Variants in SULF2 observed in about 807,000 individuals in gnomAD.
SULF2 encodes the protein extracellular sulfatase Sulf-2.
A neutral mutation model predicts 107.7 loss-of-function variants in SULF2; 52 were observed. The ratio of observed to expected loss-of-function variants is 0.48; its 90% CI spans 0.39 to 0.61. The LOEUF is 0.61. Ranked by LOEUF, SULF2 falls within the 20% of genes least tolerant of loss-of-function variation. The pLI, the probability that SULF2 is intolerant of heterozygous loss-of-function variation, is 0.00. For missense variants in SULF2, 993 were observed against 1,177.3 expected (o/e 0.84, Z 2.29); for synonymous variants, 460 against 464.3 (o/e 0.99, Z 0.12).
intron 2 of SULF2, among the ~76,000 whole-genome samples, chr20:47,751,204 A>C (rs2090150843): frequency 6.6e-6 from 1 of 152,224 alleles, no homozygotes; most frequent in South Asian, 2.1e-4. Context: ...TGCTTCAGAG[A>C]GCGCCATGTG....
chr20:47,776,047 G>T (rs981334661), intron 1 of SULF2, among the ~76,000 whole-genome samples: 1 of 152,142 alleles, frequency 6.6e-6, no homozygotes, highest in African/African-American at 2.4e-5. Context: ...TTCCTCTCCA[G>T]CTCTCATCTG....
At chr20:47,738,730 C>T (rs1754289963) in intron 2 of SULF2, among the ~76,000 whole-genome samples, 1 of 152,222 alleles carries the variant, frequency 6.6e-6, no homozygotes, top group African/African-American at 2.4e-5. Context: ...TCACCTTCTG[C>T]CATGATCCTG....
chr20:47,713,515 C>T (rs761748536), intron 3 of SULF2, among the ~76,000 whole-genome samples: 3 of 152,040 alleles, frequency 2.0e-5, no homozygotes, highest in Non-Finnish European at 2.9e-5. Flanking sequence ...CTTGGGCAAG[C>T]GAGTGCTCCT....
At position 47,666,430 on chromosome 20, in the gene SULF2, G is replaced by A. The variant is rs115495231; in HGVS notation, c.1635C>T (p.Asp545=). 1,601 of 1,613,822 alleles carry A rather than the reference G, an allele frequency of 9.9e-4. 13 individuals are homozygous for A. In the African/African-American group the frequency reaches 0.014, roughly 15 times the overall value. The part of the protein sequence containing the change: ...RSIRSVAIEV[D]GRVYHVGLGD... ...CCAGGCCTACGTGGTACACCCTGCC[G>A]TCCACCTCGATGGCCACTGAGCGGA... is the stretch of plus-strand genomic sequence containing the variant. Residue 545 remains aspartate, a synonymous_variant, in exon 12 of 21, where the codon GAC becomes GAT. Transcript: ENST00000688720. This position sits in a 1 kb window ranked among gnomAD's most constrained non-coding sequence, Gnocchi z 5.4.
chr20:47,723,731 G>GC (rs927531258), intron 3 of SULF2, among the ~76,000 whole-genome samples: 2 of 152,142 alleles, frequency 1.3e-5, no homozygotes, highest in African/African-American at 4.8e-5. Flanking sequence ...GTCTCCCATT[G>GC]CCCCCGGGTG....
At chr20:47,738,102 G>A (rs543530821) in intron 2 of SULF2, among the ~76,000 whole-genome samples, 26 of 152,284 alleles carry the variant, frequency 1.7e-4, no homozygotes, top group Non-Finnish European at 3.2e-4. Flanking sequence ...AGGAAGAAAG[G>A]CAAGAAGGAA....
intron 2 of SULF2, among the ~76,000 whole-genome samples, chr20:47,746,752 G>A (rs891603501): frequency 1.3e-5 from 2 of 151,406 alleles, no homozygotes; most frequent in Non-Finnish European, 2.9e-5. Flanking sequence ...ACCAAACACT[G>A]CACGTTCTCA....
Position 47,678,614 on chromosome 20 carries a change from GCT to G in SULF2, c.1193+60_1193+61del. 1.9e-6 allele frequency: 3 copies of G among 1,599,418 alleles called. No individual in the cohort carries two copies. The highest frequency in any genetic ancestry group is 2.0e-4 in the Middle Eastern group (1 of 4,882). ...CCACGTTCTAGACCCACAGGGTTTT[GCT>G]CTGAGTTCCCGCAGGTCAATGTCCC... On this transcript the variant is annotated intron_variant, in intron 8 of 20. Coordinates refer to ENST00000688720, the MANE Select transcript of SULF2 (RefSeq NM_001387048.1). The surrounding 1 kb of genome is among the most constrained non-coding windows in gnomAD (Gnocchi z 4.5).
chr20:47,692,337 A>G (rs1022696450), intron 4 of SULF2, among the ~76,000 whole-genome samples: 1 of 152,228 alleles, frequency 6.6e-6, no homozygotes, highest in Non-Finnish European at 1.5e-5. Context: ...GGCCACTGCA[A>G]TATTGTTTAT....
chr20:47,678,863 G>A lies in SULF2; in HGVS notation c.1065-59C>T, dbSNP rs543526223. On this transcript the variant is annotated intron_variant, in intron 7 of 20. Transcript: ENST00000688720. This position sits in a 1 kb window ranked among gnomAD's most constrained non-coding sequence, Gnocchi z 4.5. Reference sequence around the variant, plus strand: ...TCAGGTGGTGGTGCCTCAGCCTCGCGTGGGGGGTGGGGAGCGGTAGGTGGG... The same window carrying A: ...TCAGGTGGTGGTGCCTCAGCCTCGCATGGGGGGTGGGGAGCGGTAGGTGGG... 180 of 1,493,294 alleles carry A rather than the reference G, an allele frequency of 1.2e-4. No individual in the cohort carries two copies. The highest frequency in any genetic ancestry group is 1.8e-4 in the Middle Eastern group (1 of 5,466). 92.5% of individuals were successfully genotyped at this position (1,493,294 alleles called of 1,614,324 possible).
At chr20:47,702,402 A>C in intron 4 of SULF2, 117 bp downstream of exon 4, 1 of 1,226,694 alleles carries the variant, frequency 8.2e-7, no homozygotes, top group Non-Finnish European at 1.1e-6. Flanking sequence ...AAAATGCTCA[A>C]GGTCACACTT....
At chr20:47,711,625 C>A (rs755654047) in intron 3 of SULF2, among the ~76,000 whole-genome samples, 1 of 152,210 alleles carries the variant, frequency 6.6e-6, no homozygotes, top group Non-Finnish European at 1.5e-5. Context: ...TAAAGGTAAT[C>A]GACAAACAGC....
rs747800420 is a variant in SULF2 at position 47,702,681 on chromosome 20, A to T, written c.416-11T>A. On this transcript the variant is annotated splice_polypyrimidine_tract_variant and intron_variant, in intron 3 of 20. Transcript: ENST00000688720. ...ACTTCCCGAAGAAAGCTGCGGAGGG[A>T]GATGGATCAGGAGGCCACGTGAGAA... 6.8e-6 allele frequency: 11 copies of T among 1,613,308 alleles called. No homozygotes were observed. The South Asian group carries it at 1.1e-4, about 16-fold the overall frequency.
chr20:47,691,544 T>C (rs1296530583), intron 4 of SULF2, among the ~76,000 whole-genome samples: 3 of 152,218 alleles, frequency 2.0e-5, no homozygotes, highest in African/African-American at 7.2e-5. Context: ...GGGATTCTAA[T>C]GGGTACTCAG....
chr20:47,720,972 T>C (rs1220434526), intron 3 of SULF2, among the ~76,000 whole-genome samples: 2 of 152,172 alleles, frequency 1.3e-5, no homozygotes, highest in Non-Finnish European at 2.9e-5. Context: ...CTGAAGTCTT[T>C]GTTTTTTTGG....
chr20:47,666,405 C>T lies in SULF2; in HGVS notation c.1660G>A (p.Gly554Ser). Residue 554 changes from glycine (G) to serine (S), a missense_variant, in exon 12 of 21, where the codon GGT becomes AGT. This residue lies in a region of SULF2 where 497 missense variants were observed against 544.1 expected (regional missense o/e 0.91). Transcript: ENST00000688720. The surrounding 1 kb of genome is among the most constrained non-coding windows in gnomAD (Gnocchi z 5.4). ...VDGRVYHVGL[G>S]DAAQPRNLTK... ...AGGTTTCGGGGCTGGGCGGCATCAC[C>T]CAGGCCTACGTGGTACACCCTGCCG... is the stretch of plus-strand genomic sequence containing the variant. The T allele has an allele frequency of 1.2e-6, 2 of 1,613,972 alleles. No individual in the cohort carries two copies. Among genetic ancestry groups the T allele is most frequent in the Non-Finnish European group, 1.7e-6 (2 of 1,180,030 alleles).
chr20:47,701,839 G>C (rs1388682920), intron 4 of SULF2, among the ~76,000 whole-genome samples: 1 of 152,182 alleles, frequency 6.6e-6, no homozygotes, highest in Non-Finnish European at 1.5e-5. Context: ...CGGGAGGGGT[G>C]TCGAGTCGGG....
intron 2 of SULF2, among the ~76,000 whole-genome samples, chr20:47,737,326 C>T (rs963579024): frequency 2.1e-4 from 32 of 150,934 alleles, no homozygotes; most frequent in African/African-American, 7.8e-4. Context: ...ATTTTAAACA[C>T]AACATTGTTT....
At chr20:47,744,678 A>G (rs1040718354) in intron 2 of SULF2, among the ~76,000 whole-genome samples, 2 of 152,078 alleles carry the variant, frequency 1.3e-5, no homozygotes, top group African/African-American at 4.8e-5. Flanking sequence ...TTGGGATAAC[A>G]CTGTTATCCA....
Sources: gnomAD v4.1 joint callset for allele counts (sites outside exome capture counted in the v4.1 genomes callset) on GRCh38, gnomAD v4.1.1 for gene constraint, gnomAD v4.1.1 regional missense constraint, Gnocchi (gnomAD v3.1) non-coding constraint, MANE v1.5 for transcripts, NCBI Gene and HGNC (gene_info 2026-07-23, HGNC 2026-07-21) for gene names.